Variants in DCC observed in about 807,000 individuals in gnomAD.
The protein encoded by DCC is netrin receptor DCC.
In DCC, 58 loss-of-function variants were observed where a neutral mutation model predicts 172.5. The observed-to-expected ratio is 0.34, with a 90% CI of 0.27 to 0.42. The LOEUF (loss-of-function observed/expected upper bound fraction) is 0.42. Among genes scored for constraint, DCC ranks in the 10% least tolerant of loss-of-function variants. The probability of loss-of-function intolerance (pLI) is 1.00; values close to 1 mark genes in which losing one functional copy is unlikely to be tolerated. For missense variants in DCC, 1,740 were observed against 1,791.0 expected (o/e 0.97, Z 0.51); for synonymous variants, 709 against 644.5 (o/e 1.10, Z -1.52).
At chr18:53,231,518 T>G (rs1341151782) in intron 12 of DCC, among the ~76,000 whole-genome samples, 1 of 152,144 alleles carries the variant, frequency 6.6e-6, no homozygotes, top group Non-Finnish European at 1.5e-5. Context: ...ATTCTTTGCC[T>G]GTCTTTGCAG....
At chr18:52,572,683 G>C (rs1233752696) in intron 1 of DCC, among the ~76,000 whole-genome samples, 1 of 152,132 alleles carries the variant, frequency 6.6e-6, no homozygotes, top group African/African-American at 2.4e-5. Context: ...TTCTTGACGT[G>C]GGGATCCAGA....
At chr18:52,782,676 T>C (rs1383526158) in intron 2 of DCC, among the ~76,000 whole-genome samples, 2 of 152,074 alleles carry the variant, frequency 1.3e-5, no homozygotes, top group Admixed American at 6.6e-5. Flanking sequence ...GGACCTTTCA[T>C]GCTTGTGACT....
chr18:52,512,291 G>T (rs903737849), intron 1 of DCC, among the ~76,000 whole-genome samples: 2 of 152,138 alleles, frequency 1.3e-5, no homozygotes, highest in African/African-American at 4.8e-5. Context: ...CTTAGCTGCT[G>T]CTTTTTATCA....
intron 1 of DCC, among the ~76,000 whole-genome samples, chr18:52,712,560 T>C (rs980090776): frequency 6.6e-6 from 1 of 152,188 alleles, no homozygotes; most frequent in Non-Finnish European, 1.5e-5. Context: ...ATTCTCTCCA[T>C]ATTCCATGCA....
intron 5 of DCC, among the ~76,000 whole-genome samples, chr18:53,054,671 G>A (rs2042379521): frequency 6.6e-6 from 1 of 152,046 alleles, no homozygotes; most frequent in Non-Finnish European, 1.5e-5. Context: ...ACTAAGGAAG[G>A]GCAATGGGAT....
intron 7 of DCC, among the ~76,000 whole-genome samples, chr18:53,092,987 T>C (rs1038550842): frequency 6.8e-6 from 1 of 147,910 alleles, no homozygotes; most frequent in African/African-American, 2.5e-5. Flanking sequence ...TAAAAAAAAG[T>C]GGGCCAGGTG....
At chr18:53,035,970 C>A (rs1445326058) in intron 5 of DCC, among the ~76,000 whole-genome samples, 1 of 152,018 alleles carries the variant, frequency 6.6e-6, no homozygotes, top group Non-Finnish European at 1.5e-5. Context: ...TCATCATTGT[C>A]ACCAACTCTA....
chr18:52,875,783 G>A (rs771391002), intron 2 of DCC, among the ~76,000 whole-genome samples: 7 of 152,180 alleles, frequency 4.6e-5, no homozygotes, highest in South Asian at 2.1e-4. Context: ...AGAGCTGACG[G>A]CACTATCTTT....
intron 17 of DCC, among the ~76,000 whole-genome samples, chr18:53,396,357 GT>G (rs1322623853): frequency 1.3e-5 from 2 of 152,072 alleles, no homozygotes; most frequent in Non-Finnish European, 2.9e-5. Flanking sequence ...CTTGCATCAT[GT>G]TTTTTCTTTA....
At chr18:52,987,195 T>C (rs2041310311) in intron 5 of DCC, among the ~76,000 whole-genome samples, 1 of 152,108 alleles carries the variant, frequency 6.6e-6, no homozygotes, top group African/African-American at 2.4e-5. Context: ...ATACTCACAC[T>C]CTGGGTAAGA....
intron 1 of DCC, among the ~76,000 whole-genome samples, chr18:52,735,020 C>G (rs936307644): frequency 6.6e-6 from 1 of 152,070 alleles, no homozygotes; most frequent in Admixed American, 6.6e-5. Context: ...TAAATCCAGG[C>G]TTTTGATAAT....
At chr18:53,193,760 G>T (rs1048967871) in intron 9 of DCC, among the ~76,000 whole-genome samples, 5 of 152,086 alleles carry the variant, frequency 3.3e-5, no homozygotes, top group Non-Finnish European at 4.4e-5. Context: ...TCCCAAAAGA[G>T]CCAGTTTACT....
chr18:52,911,761 T>A (rs2039974184), intron 3 of DCC, among the ~76,000 whole-genome samples: 1 of 151,882 alleles, frequency 6.6e-6, no homozygotes, highest in Non-Finnish European at 1.5e-5. Context: ...TAGGAGTTTC[T>A]CATACTGTGT....
intron 2 of DCC, among the ~76,000 whole-genome samples, chr18:52,840,031 C>T (rs1351293548): frequency 3.3e-5 from 5 of 152,194 alleles, no homozygotes; most frequent in Admixed American, 6.5e-5. Context: ...CAAGGTTTCT[C>T]GTTCATTAGT....
At chr18:53,107,518 A>G (rs1251919910) in intron 7 of DCC, among the ~76,000 whole-genome samples, 1 of 134,028 alleles carries the variant, frequency 7.5e-6, no homozygotes, top group Non-Finnish European at 1.6e-5. Context: ...TCAAACTTTG[A>G]TCCAAAAAAA....
chr18:52,583,070 C>T (rs1164610463), intron 1 of DCC, among the ~76,000 whole-genome samples: 1 of 152,008 alleles, frequency 6.6e-6, no homozygotes, highest in Admixed American at 6.5e-5. Context: ...TATATTGGCT[C>T]TCTACAATAT....
At chr18:53,206,791 G>A (rs2055656555) in intron 10 of DCC, among the ~76,000 whole-genome samples, 1 of 151,164 alleles carries the variant, frequency 6.6e-6, no homozygotes, top group South Asian at 2.1e-4. Flanking sequence ...CAGGATATGG[G>A]AGTTCTTATT....
intron 2 of DCC, among the ~76,000 whole-genome samples, chr18:52,845,752 T>A (rs755357652): frequency 6.6e-6 from 1 of 152,200 alleles, no homozygotes; most frequent in Non-Finnish European, 1.5e-5. Flanking sequence ...TGAGTAAAGA[T>A]CAAGTCATGG....
chr18:53,072,484 A>G lies in DCC; in HGVS notation c.1261+6318A>G, dbSNP rs559032523. On this transcript the variant is annotated intron_variant, in intron 7 of 28. Coordinates refer to ENST00000442544, the MANE Select transcript of DCC (RefSeq NM_005215.4). ...CATTCCGTTTTCTGACAGTGTCTGC[A>G]GCGGAAGGTTGTTGGAAGTACCTGA... Among the ~76,000 whole-genome samples the G allele has an allele frequency of 8.5e-5, 13 of 152,290 alleles. No homozygotes were observed. In the South Asian group the frequency reaches 2.7e-3, roughly 32 times the overall value.
Sources: allele counts gnomAD v4.1 joint callset (sites outside exome capture counted in the v4.1 genomes callset), GRCh38; gene constraint gnomAD v4.1.1; transcripts MANE v1.5; gene names NCBI Gene and HGNC (gene_info 2026-07-23, HGNC 2026-07-21).